RGS6: variants seen among roughly 807,000 people sequenced by gnomAD.
The protein encoded by RGS6 is regulator of G-protein signaling 6.
In RGS6, 30 loss-of-function variants were observed where a neutral mutation model predicts 78.5. The observed-to-expected ratio is 0.38, with a 90% CI of 0.29 to 0.52. The LOEUF (loss-of-function observed/expected upper bound fraction) is 0.52. RGS6 is among the 20% of genes least tolerant of loss of function. The pLI is 0.85. For missense variants in RGS6, 495 were observed against 609.7 expected (o/e 0.81, Z 1.98); for synonymous variants, 206 against 206.0 (o/e 1.00, Z 0.00).
At position 72,272,114 on chromosome 14, in the gene RGS6, T is replaced by C. The variant is rs1312483503; in HGVS notation, c.85-79981T>C. 2.6e-5 allele frequency among the ~76,000 whole-genome samples: 4 copies of C among 152,154 alleles called. No individual in the cohort carries two copies. The South Asian group carries it at 8.3e-4, about 32-fold the overall frequency. ...TTCTGGGGATTAGGATGTGGATGTA[T>C]TGGGGTGGGGAAATTATTCTTCCTA... On this transcript the variant is annotated intron_variant, in intron 2 of 17. Transcript: ENST00000553525.
At chr14:72,475,810 T>A (rs1483477034) in intron 10 of RGS6, among the ~76,000 whole-genome samples, 1 of 122,894 alleles carries the variant, frequency 8.1e-6, no homozygotes, top group African/African-American at 3.3e-5. Flanking sequence ...CTCTCATGTA[T>A]GCATTAAAAA....
At chr14:71,879,025 G>A in the RGS6 span, among the ~76,000 whole-genome samples, 2 of 151,902 alleles carry the variant, frequency 1.3e-5, no homozygotes, top group Non-Finnish European at 2.9e-5. Flanking sequence ...ACTTCATAGT[G>A]TATTTTTTTT....
At chr14:72,312,432 C>G (rs1466596678) in intron 2 of RGS6, among the ~76,000 whole-genome samples, 2 of 152,018 alleles carry the variant, frequency 1.3e-5, no homozygotes, top group African/African-American at 4.8e-5. Context: ...TTTGTTTTTC[C>G]TTTTCATCGT....
the RGS6 span, among the ~76,000 whole-genome samples, chr14:71,871,677 G>A: frequency 1.2e-4 from 18 of 152,168 alleles, no homozygotes; most frequent in African/African-American, 3.4e-4. Context: ...TGACCCCTTT[G>A]TCTCCACCCA....
intron 17 of RGS6, among the ~76,000 whole-genome samples, chr14:72,547,585 C>A (rs143323324): frequency 1.3e-5 from 2 of 152,098 alleles, no homozygotes; most frequent in African/African-American, 4.8e-5. Flanking sequence ...GGGACACTGC[C>A]GGGGGTGGGA....
chr14:72,182,527 G>T (rs959511475), intron 2 of RGS6, among the ~76,000 whole-genome samples: 1 of 151,864 alleles, frequency 6.6e-6, no homozygotes, highest in Admixed American at 6.6e-5. Flanking sequence ...CTTGCACTCC[G>T]TAGTGCAACC....
At chr14:72,148,129 TAAA>T (rs35367140) in intron 2 of RGS6, among the ~76,000 whole-genome samples, 2,285 of 67,534 alleles carry the variant, frequency 0.034, 30 homozygotes, top group Non-Finnish European at 0.039. Context: ...AGACTCCATC[TAAA>T]AAAAAAAAAA....
chr14:72,298,541 G>A (rs529308407), intron 2 of RGS6, among the ~76,000 whole-genome samples: 18 of 148,228 alleles, frequency 1.2e-4, no homozygotes, highest in Admixed American at 6.9e-4. Flanking sequence ...TCCGCCTCCC[G>A]GGTTCACCCC....
intron 2 of RGS6, among the ~76,000 whole-genome samples, chr14:71,968,924 C>T (rs901594373): frequency 2.6e-5 from 4 of 152,136 alleles, no homozygotes; most frequent in African/African-American, 9.7e-5. Context: ...GTGCTGCACC[C>T]ATTAACTCTC....
the RGS6 span, among the ~76,000 whole-genome samples, chr14:71,908,612 A>G: frequency 6.6e-6 from 1 of 152,252 alleles, no homozygotes; most frequent in African/African-American, 2.4e-5. Flanking sequence ...TGTTCAGGGC[A>G]CAATGAGGCC....
At chr14:72,309,568 T>C (rs947563142) in intron 2 of RGS6, among the ~76,000 whole-genome samples, 18 of 152,250 alleles carry the variant, frequency 1.2e-4, no homozygotes, top group African/African-American at 3.9e-4. Flanking sequence ...TAGAAAACTT[T>C]CCTTTACCTA....
chr14:72,185,345 A>C (rs1317209209), intron 2 of RGS6, among the ~76,000 whole-genome samples: 1 of 152,152 alleles, frequency 6.6e-6, no homozygotes, highest in African/African-American at 2.4e-5. Context: ...AATCAAGGTG[A>C]CACTCAGTAT....
intron 3 of RGS6, among the ~76,000 whole-genome samples, chr14:72,383,343 T>A (rs1193010291): frequency 1.3e-5 from 2 of 151,804 alleles, no homozygotes; most frequent in African/African-American, 4.8e-5. Context: ...TGAATTTGAC[T>A]TTACTGTGCT....
At chr14:72,536,022 T>C (rs1381399447) in intron 15 of RGS6, among the ~76,000 whole-genome samples, 164 bp from the exon 16 acceptor site, 2 of 152,190 alleles carry the variant, frequency 1.3e-5, no homozygotes, top group Admixed American at 1.3e-4. Flanking sequence ...GCTGCTGAGT[T>C]TGGGGGTGTG....
At chr14:72,169,722 A>G (rs1293831019) in intron 2 of RGS6, among the ~76,000 whole-genome samples, 4 of 152,192 alleles carry the variant, frequency 2.6e-5, no homozygotes, top group African/African-American at 9.7e-5. Context: ...TGTGACTGAG[A>G]CTGGCCAATG....
chr14:72,119,410 C>T (rs1443461450), intron 2 of RGS6, among the ~76,000 whole-genome samples: 2 of 152,138 alleles, frequency 1.3e-5, no homozygotes, highest in African/African-American at 4.8e-5. Context: ...GCCTTTTGTG[C>T]TAGTGGTAGT....
intron 2 of RGS6, among the ~76,000 whole-genome samples, chr14:72,213,003 A>G (rs1330948163): frequency 6.6e-6 from 1 of 152,200 alleles, no homozygotes; most frequent in African/African-American, 2.4e-5. Flanking sequence ...GTTGTATTGC[A>G]TTACCTGGGT....
At chr14:72,045,085 G>C (rs77191253) in intron 2 of RGS6, among the ~76,000 whole-genome samples, 3 of 152,244 alleles carry the variant, frequency 2.0e-5, no homozygotes, top group South Asian at 4.2e-4. Flanking sequence ...TGCAGATGGC[G>C]TACTATGGGA....
chr14:72,390,251 C>T (rs1010420917), intron 3 of RGS6, among the ~76,000 whole-genome samples: 1 of 152,072 alleles, frequency 6.6e-6, no homozygotes, highest in African/African-American at 2.4e-5. Flanking sequence ...ATGCATGCCA[C>T]CACGCCCAGT....
Sources: allele counts gnomAD v4.1 joint callset (sites outside exome capture counted in the v4.1 genomes callset), GRCh38; gene constraint gnomAD v4.1.1; transcripts MANE v1.5; gene names NCBI Gene and HGNC (gene_info 2026-07-23, HGNC 2026-07-21).